Variants in RDX observed in about 807,000 individuals in gnomAD.
The protein encoded by RDX is deafness, autosomal recessive 24.
A neutral mutation model predicts 83.7 loss-of-function variants in RDX; 32 were observed. The observed-to-expected ratio is 0.38, with a 90% CI of 0.29 to 0.51. The LOEUF (loss-of-function observed/expected upper bound fraction) is 0.51, where lower values mean the gene tolerates loss of function less well. Among genes scored for constraint, RDX ranks in the 20% least tolerant of loss-of-function variants. The probability of loss-of-function intolerance (pLI) is 0.87; values close to 1 mark genes in which losing one functional copy is unlikely to be tolerated. For missense variants in RDX, 600 were observed against 689.9 expected, an observed-to-expected ratio of 0.87 and a Z score of 1.46; for synonymous variants, 229 against 222.7, an observed-to-expected ratio of 1.03 and a Z score of -0.25.
At chr11:110,220,952 G>A (rs1217743575) in intron 14 of RDX, among the ~76,000 whole-genome samples, 1 of 150,950 alleles carries the variant, frequency 6.6e-6, no homozygotes, top group Non-Finnish European at 1.5e-5. Flanking sequence ...CCCCTAATTT[G>A]GGGATAACCA....
intron 14 of RDX, among the ~76,000 whole-genome samples, chr11:110,202,262 G>A (rs1373337520): frequency 6.6e-6 from 1 of 151,878 alleles, no homozygotes; most frequent in African/African-American, 2.4e-5. Context: ...GAGCGTGGTG[G>A]CCTGCACCTG....
At position 110,222,430 on chromosome 11, in the gene RDX, G is replaced by A. The variant is rs193085166; in HGVS notation, c.1748+9443C>T. Among the ~76,000 whole-genome samples the A allele has an allele frequency of 2.8e-4, 42 of 152,236 alleles. No individual in the cohort carries two copies. The East Asian group carries it at 5.0e-3, about 18-fold the overall frequency. On this transcript the variant is annotated intron_variant, in intron 14 of 15. Coordinates refer to the RDX transcript ENST00000528498. The stretch of plus-strand genomic sequence containing the variant: ...GATTAGGTTCTGGATTCTAATTCCA[G>A]GTCTTATATTGTCTGGTACGAACAT...
At chr11:110,239,882 G>T (rs916756848) in intron 10 of RDX, among the ~76,000 whole-genome samples, 5 of 150,740 alleles carry the variant, frequency 3.3e-5, no homozygotes, top group African/African-American at 1.2e-4. Flanking sequence ...TGCTGGCGGG[G>T]ATGTAGAGAA....
At chr11:110,217,879 A>G (rs1293323528) in intron 14 of RDX, among the ~76,000 whole-genome samples, 1 of 149,486 alleles carries the variant, frequency 6.7e-6, no homozygotes, top group Admixed American at 6.6e-5. Flanking sequence ...CATTGTCATA[A>G]TTATTTAACT....
At chr11:110,207,302 A>T (rs1236829020) in intron 14 of RDX, among the ~76,000 whole-genome samples, 1 of 152,152 alleles carries the variant, frequency 6.6e-6, no homozygotes, top group Non-Finnish European at 1.5e-5. Flanking sequence ...GCAGCTGCAT[A>T]GATCTACTGA....
chr11:110,276,097 A>G (rs11213336), intron 2 of RDX, among the ~76,000 whole-genome samples: 65,653 of 151,920 alleles, frequency 0.43, 14,308 homozygotes, highest in East Asian at 0.51. Flanking sequence ...ATTTTTTGCC[A>G]TCCTTAAGAA....
intron 8 of RDX, among the ~76,000 whole-genome samples, chr11:110,254,319 T>C (rs1050939243): frequency 1.6e-4 from 25 of 152,194 alleles, no homozygotes; most frequent in African/African-American, 6.0e-4. Flanking sequence ...ACCAGTTTTG[T>C]AAAGAGGCTA....
chr11:110,208,416 A>C (rs1308053976), intron 14 of RDX, among the ~76,000 whole-genome samples: 1 of 152,130 alleles, frequency 6.6e-6, no homozygotes, highest in Admixed American at 6.5e-5. Context: ...TACATGCTAA[A>C]ACTCACCAAG....
chr11:110,202,225 T>C (rs138005723), intron 14 of RDX, among the ~76,000 whole-genome samples: 15,791 of 151,738 alleles, frequency 0.1, 1,003 homozygotes, highest in Non-Finnish European at 0.13. Context: ...GGAAACGCCA[T>C]CTCTACTAAA....
intron 14 of RDX, among the ~76,000 whole-genome samples, chr11:110,203,751 C>T (rs1009793302): frequency 2.0e-5 from 3 of 152,046 alleles, no homozygotes; most frequent in Non-Finnish European, 4.4e-5. Context: ...AGTACACACA[C>T]ACGGTTGGTT....
downstream of RDX, among the ~76,000 whole-genome samples, chr11:110,228,713 AAC>A (rs1397318995): frequency 4.6e-5 from 7 of 151,964 alleles, no homozygotes; most frequent in African/African-American, 1.7e-4. Context: ...TTTAAAAAAA[AAC>A]ACAATAATAT....
intron 9 of RDX, among the ~76,000 whole-genome samples, chr11:110,249,587 C>G (rs903782031): frequency 2.0e-5 from 3 of 152,136 alleles, no homozygotes; most frequent in African/African-American, 7.2e-5. Context: ...AATCCTTCCA[C>G]CATTTAATAA....
intron 1 of RDX, among the ~76,000 whole-genome samples, chr11:110,279,999 G>C (rs1355754593): frequency 6.6e-6 from 1 of 152,056 alleles, no homozygotes; most frequent in Admixed American, 6.6e-5. Context: ...GATCTAACCA[G>C]AAGTTTTAAT....
At chr11:110,275,429 T>C (rs1412656557) in intron 2 of RDX, among the ~76,000 whole-genome samples, 1 of 152,192 alleles carries the variant, frequency 6.6e-6, no homozygotes, top group African/African-American at 2.4e-5. Context: ...TTCTAACCTA[T>C]AAAACTGTGG....
intron 14 of RDX, among the ~76,000 whole-genome samples, chr11:110,216,660 G>A (rs1368792805): frequency 6.7e-6 from 1 of 150,338 alleles, no homozygotes; most frequent in Non-Finnish European, 1.5e-5. Flanking sequence ...TCACAAGTGT[G>A]AGCCACCACA....
chr11:110,222,624 G>A lies in RDX; in HGVS notation c.1748+9249C>T, dbSNP rs112193048. On this transcript the variant is annotated intron_variant, in intron 14 of 15. Transcript: ENST00000528498. ...ATCCCGGCTAACACGGTAAAACCTCGTCTCTACTAAAAATACAAAAACTTA... is the reference window on the plus strand; with the variant it reads ...ATCCCGGCTAACACGGTAAAACCTCATCTCTACTAAAAATACAAAAACTTA... 2.7e-3 allele frequency among the ~76,000 whole-genome samples: 414 copies of A among 152,156 alleles called. 1 individual carries two copies. Among genetic ancestry groups the A allele is most frequent in the Non-Finnish European group, 4.8e-3 (325 of 67,998 alleles).
chr11:110,239,045 A>G (rs1864975526), intron 10 of RDX, among the ~76,000 whole-genome samples: 1 of 151,892 alleles, frequency 6.6e-6, no homozygotes, highest in Non-Finnish European at 1.5e-5. Context: ...TTCGAAGGGA[A>G]AGGTGGGAAG....
intron 14 of RDX, among the ~76,000 whole-genome samples, chr11:110,218,937 T>C (rs994407766): frequency 6.6e-6 from 1 of 152,196 alleles, no homozygotes; most frequent in African/African-American, 2.4e-5. Context: ...CTCTAGGCCC[T>C]GGGCATATAC....
At chr11:110,287,661 A>T (rs565819572) in intron 1 of RDX, among the ~76,000 whole-genome samples, 1 of 152,310 alleles carries the variant, frequency 6.6e-6, no homozygotes, top group South Asian at 2.1e-4. Context: ...TAAAGAAATA[A>T]GGCCAAAAGC....
Sources: allele counts gnomAD v4.1 joint callset (sites outside exome capture counted in the v4.1 genomes callset), GRCh38; gene constraint gnomAD v4.1.1; transcripts MANE v1.5; gene names NCBI Gene and HGNC (gene_info 2026-07-23, HGNC 2026-07-21).